The following MUSK variants were observed in gnomAD, a reference collection of about 807,000 sequenced individuals.
MUSK encodes the protein muscle, skeletal receptor tyrosine-protein kinase.
MUSK carries 55 observed loss-of-function variants against 88.7 expected under a neutral mutation model. That is an observed-to-expected ratio of 0.62 (90% CI 0.50 to 0.78). The LOEUF (loss-of-function observed/expected upper bound fraction) is 0.78, where lower values mean the gene tolerates loss of function less well. MUSK is among the 30% of genes least tolerant of loss of function. The pLI is 0.00. For missense variants in MUSK, 1,015 were observed against 1,074.3 expected (o/e 0.94, Z 0.77); for synonymous variants, 387 against 391.9 (o/e 0.99, Z 0.15).
rs1218409506 is a variant in MUSK at position 110,801,260 on chromosome 9, G to T, written c.*272G>T. ...TTCATGAAGGTTTGTAATACACACTGCACAGGGAAGAATGTCATCCTGTTC... is the reference window on the plus strand; with the variant it reads ...TTCATGAAGGTTTGTAATACACACTTCACAGGGAAGAATGTCATCCTGTTC... On this transcript the variant is annotated 3_prime_UTR_variant, in exon 15 of 15. Coordinates refer to ENST00000374448, the MANE Select transcript of MUSK (RefSeq NM_005592.4). The T allele has an allele frequency of 3.3e-6, 1 of 301,820 alleles. No individual in the cohort carries two copies. Among genetic ancestry groups the T allele is most frequent in the Admixed American group, 4.5e-5 (1 of 22,360 alleles). 18.7% of individuals were successfully genotyped at this position (301,820 alleles called of 1,614,324 possible).
intron 6 of MUSK, among the ~76,000 whole-genome samples, 173 bp from the exon 7 acceptor site, chr9:110,747,468 C>G (rs1403350965): frequency 6.6e-6 from 1 of 152,206 alleles, no homozygotes; most frequent in Non-Finnish European, 1.5e-5. Flanking sequence ...GAGGGAAGAG[C>G]TACAAAGTCA....
chr9:110,686,711 ATAAG>A (rs1564213967), intron 2 of MUSK, among the ~76,000 whole-genome samples: 1 of 152,228 alleles, frequency 6.6e-6, no homozygotes, highest in Non-Finnish European at 1.5e-5. Context: ...AGTTACTTCT[ATAAG>A]TAATTAACCC....
intron 5 of MUSK, among the ~76,000 whole-genome samples, chr9:110,698,759 G>C (rs1564227666): frequency 6.6e-6 from 1 of 152,080 alleles, no homozygotes; most frequent in Admixed American, 6.6e-5. Context: ...TCAAGTTGCT[G>C]TAATTTAATA....
chr9:110,797,961 G>A (rs900690317), intron 14 of MUSK, among the ~76,000 whole-genome samples: 1 of 152,156 alleles, frequency 6.6e-6, no homozygotes, highest in Non-Finnish European at 1.5e-5. Flanking sequence ...AACCACAGTA[G>A]CATGCTTATA....
intron 14 of MUSK, among the ~76,000 whole-genome samples, chr9:110,788,443 C>T (rs971828659): frequency 5.3e-5 from 8 of 151,638 alleles, no homozygotes; most frequent in African/African-American, 1.9e-4. Context: ...ACCAGCCTGG[C>T]GAACAAGGTG....
chr9:110,740,461 G>A (rs889525780), intron 6 of MUSK, among the ~76,000 whole-genome samples: 36 of 152,104 alleles, frequency 2.4e-4, no homozygotes, highest in African/African-American at 8.7e-4. Flanking sequence ...AAATCCCAGA[G>A]TGTTTTTTCA....
intron 8 of MUSK, among the ~76,000 whole-genome samples, chr9:110,764,449 C>G (rs1382784536): frequency 2.6e-5 from 4 of 152,128 alleles, no homozygotes; most frequent in Non-Finnish European, 5.9e-5. Context: ...GCCTCTGTGT[C>G]TTGCATCTAG....
In MUSK at chr9:110,806,156, A is replaced by G. The variant is rs2078159437; in HGVS notation, c.*5168A>G. ...TGGTGATTACCAGTGCAATTCTAAC[A>G]AATAGGTTTGCATTTCTCTTTCTGA... On this transcript the variant is annotated 3_prime_UTR_variant, in exon 15 of 15. Coordinates refer to ENST00000374448, the MANE Select transcript of MUSK (RefSeq NM_005592.4). 1.3e-5 allele frequency among the ~76,000 whole-genome samples: 2 copies of G among 152,156 alleles called. 1 individual carries two copies. Among genetic ancestry groups the G allele is most frequent in the South Asian group, 4.1e-4 (2 of 4,828 alleles).
At chr9:110,728,512 G>A (rs1462758384) in intron 5 of MUSK, among the ~76,000 whole-genome samples, 4 of 152,002 alleles carry the variant, frequency 2.6e-5, no homozygotes, top group African/African-American at 4.8e-5. Context: ...GCTTTCAAAA[G>A]GTCTGCAGTT....
chr9:110,743,960 C>CTTTT lies in MUSK; in HGVS notation c.754-3670_754-3667dup, dbSNP rs869252095. On this transcript the variant is annotated intron_variant, in intron 6 of 14. Coordinates refer to ENST00000374448, the MANE Select transcript of MUSK (RefSeq NM_005592.4). ...AACATGAACCCTACTGGGCAACATC[C>CTTTT]TTTTTTTTTTTTTTATTTTTTTCCC... 4.9e-5 allele frequency among the ~76,000 whole-genome samples: 7 copies of CTTTT among 144,070 alleles called. 1 individual carries two copies. Among genetic ancestry groups the CTTTT allele is most frequent in the South Asian group, 2.2e-4 (1 of 4,508 alleles). The allele number at this position is 144,070 out of a possible 152,430, so 94.5% of individuals were successfully genotyped here.
chr9:110,703,066 A>C (rs1315839593), intron 5 of MUSK, among the ~76,000 whole-genome samples: 3 of 152,180 alleles, frequency 2.0e-5, no homozygotes, highest in Non-Finnish European at 4.4e-5. Flanking sequence ...ATATACCTAC[A>C]CTGAGGATGA....
chr9:110,798,265 T>A (rs1330737140), intron 14 of MUSK, among the ~76,000 whole-genome samples: 1 of 152,232 alleles, frequency 6.6e-6, no homozygotes, highest in Non-Finnish European at 1.5e-5. Context: ...GTTTTATATA[T>A]TTGATACATC....
At chr9:110,757,904 G>A (rs2077347336) in intron 7 of MUSK, among the ~76,000 whole-genome samples, 1 of 152,112 alleles carries the variant, frequency 6.6e-6, no homozygotes, top group Admixed American at 6.5e-5. Flanking sequence ...AAAGAAAAAT[G>A]GGTCCCTCTT....
At chr9:110,744,009 T>G (rs1014273773) in intron 6 of MUSK, among the ~76,000 whole-genome samples, 1 of 151,848 alleles carries the variant, frequency 6.6e-6, no homozygotes, top group African/African-American at 2.4e-5. Context: ...TGCTCTGTCA[T>G]GAGGCTGGAG....
At chr9:110,775,558 A>T (rs1588024965) in intron 9 of MUSK, 1 of 545,182 alleles carries the variant, frequency 1.8e-6, no homozygotes, top group East Asian at 3.2e-5. Context: ...TTAGACTAGC[A>T]TTAATTGTGT....
intron 6 of MUSK, 52 bp from the exon 7 acceptor site, chr9:110,747,589 G>A: frequency 6.5e-7 from 1 of 1,529,812 alleles, no homozygotes; most frequent in Non-Finnish European, 9.0e-7. Flanking sequence ...TACTGACATA[G>A]TATAGTGGGA....
intron 14 of MUSK, among the ~76,000 whole-genome samples, chr9:110,798,888 T>G (rs1479038635): frequency 6.6e-6 from 1 of 152,174 alleles, no homozygotes; most frequent in Admixed American, 6.5e-5. Flanking sequence ...AGTATTTTCT[T>G]TATCAGAGTG....
intron 5 of MUSK, among the ~76,000 whole-genome samples, chr9:110,723,312 CAT>C (rs1394247282): frequency 2.0e-5 from 3 of 151,040 alleles, no homozygotes; most frequent in Non-Finnish European, 4.4e-5. Flanking sequence ...GAAATAATGG[CAT>C]TCACAGCAAC....
At chr9:110,751,637 C>T (rs746805255) in intron 7 of MUSK, among the ~76,000 whole-genome samples, 3 of 152,148 alleles carry the variant, frequency 2.0e-5, no homozygotes, top group African/African-American at 7.2e-5. Flanking sequence ...AATGGCAGTG[C>T]GATGGAGGTC....
Sources: gnomAD v4.1 joint callset for allele counts (sites outside exome capture counted in the v4.1 genomes callset) on GRCh38, gnomAD v4.1.1 for gene constraint, MANE v1.5 for transcripts, NCBI Gene and HGNC (gene_info 2026-07-23, HGNC 2026-07-21) for gene names.